Variants in TBC1D5 observed in about 807,000 individuals in gnomAD.
TBC1D5 encodes the protein TBC1 domain family, member 5.
A neutral mutation model predicts 100.3 loss-of-function variants in TBC1D5; 75 were observed. The observed-to-expected ratio is 0.75, with a 90% CI of 0.62 to 0.91. TBC1D5 has a LOEUF of 0.91. TBC1D5 is among the 40% of genes least tolerant of loss of function. The pLI is 0.00. For synonymous variants in TBC1D5, 323 were observed against 325.6 expected, an observed-to-expected ratio of 0.99 and a Z score of 0.09; for missense variants, 910 against 942.4, an observed-to-expected ratio of 0.97 and a Z score of 0.45.
chr3:17,185,286 G>T, intron 18 of TBC1D5, 78 bp from the exon 20 acceptor site: 1 of 1,238,440 alleles, frequency 8.1e-7, no homozygotes, highest in Non-Finnish European at 1.1e-6. Flanking sequence ...AAATGATCTA[G>T]ACTAGTTTAA....
At chr3:17,189,129 G>A (rs567186931) in intron 18 of TBC1D5, among the ~76,000 whole-genome samples, 1 of 152,076 alleles carries the variant, frequency 6.6e-6, no homozygotes, top group Non-Finnish European at 1.5e-5. Context: ...AACAAAATGA[G>A]AACATATGGA....
At chr3:17,632,532 C>T (rs780906689) in intron 1 of TBC1D5, among the ~76,000 whole-genome samples, 2 of 152,168 alleles carry the variant, frequency 1.3e-5, no homozygotes, top group Non-Finnish European at 2.9e-5. Flanking sequence ...AACCTAATCA[C>T]ATGCTACAGA....
intron 8 of TBC1D5, among the ~76,000 whole-genome samples, chr3:17,390,079 T>C (rs1338687715): frequency 2.0e-5 from 3 of 152,156 alleles, no homozygotes; most frequent in African/African-American, 7.2e-5. Context: ...CAAAGACCTA[T>C]ACATGATAGA....
intron 15 of TBC1D5, among the ~76,000 whole-genome samples, chr3:17,278,907 T>A (rs955971797): frequency 5.3e-5 from 8 of 152,232 alleles, no homozygotes; most frequent in African/African-American, 1.7e-4. Flanking sequence ...GAAATTATGA[T>A]TCTGTAACTT....
intron 17 of TBC1D5, among the ~76,000 whole-genome samples, chr3:17,221,430 C>A (rs1257355469): frequency 6.6e-6 from 1 of 152,110 alleles, no homozygotes; most frequent in Non-Finnish European, 1.5e-5. Flanking sequence ...TGCTATCCCT[C>A]CCCTCTCCCA....
chr3:17,408,819 T>C (rs1214977892), intron 4 of TBC1D5, among the ~76,000 whole-genome samples: 6 of 152,168 alleles, frequency 3.9e-5, no homozygotes, highest in Non-Finnish European at 7.3e-5. Flanking sequence ...TTTTCTCTTA[T>C]TGATCCTTTC....
intron 17 of TBC1D5, among the ~76,000 whole-genome samples, chr3:17,224,657 A>G (rs1001159865): frequency 6.6e-6 from 1 of 152,230 alleles, no homozygotes; most frequent in African/African-American, 2.4e-5. Context: ...GTAACAAAAT[A>G]GGGTAATGAT....
Position 17,216,051 on chromosome 3 carries a change from G to T in TBC1D5, c.1589-1681C>A, listed in dbSNP as rs115132786. Reference sequence around the variant, plus strand: ...ATAAACCAAGAATGCTAACCAGAATGTTATATTTCTTAGGAGAGAGCTATT... The same window carrying T: ...ATAAACCAAGAATGCTAACCAGAATTTTATATTTCTTAGGAGAGAGCTATT... On this transcript the variant is annotated intron_variant, in intron 17 of 21. Coordinates refer to ENST00000253692, the Ensembl canonical transcript of TBC1D5. 5.2e-3 allele frequency among the ~76,000 whole-genome samples: 796 copies of T among 152,222 alleles called. 3 individuals carry two copies. The highest frequency in any genetic ancestry group is 8.6e-3 in the Non-Finnish European group (583 of 68,000).
At chr3:17,357,093 G>C (rs2348363) in intron 13 of TBC1D5, among the ~76,000 whole-genome samples, 56,196 of 152,006 alleles carry the variant, frequency 0.37, 11,517 homozygotes, top group African/African-American at 0.54. Context: ...TATTTTGCCT[G>C]CCTTCCTGCA....
intron 1 of TBC1D5, among the ~76,000 whole-genome samples, chr3:17,674,362 G>A (rs929819363): frequency 6.6e-6 from 1 of 152,092 alleles, no homozygotes; most frequent in African/African-American, 2.4e-5. Flanking sequence ...TCACCATGAA[G>A]AAAATATGAG....
chr3:17,190,965 G>A (rs940239081), intron 18 of TBC1D5, among the ~76,000 whole-genome samples: 3 of 152,292 alleles, frequency 2.0e-5, no homozygotes, highest in Non-Finnish European at 2.9e-5. Context: ...GAAAGGCCAC[G>A]GATGTTCGGA....
chr3:17,627,655 T>C (rs1319826386), intron 1 of TBC1D5, among the ~76,000 whole-genome samples: 1 of 150,630 alleles, frequency 6.6e-6, no homozygotes, highest in Non-Finnish European at 1.5e-5. Flanking sequence ...TTTTAAATAT[T>C]CTGGGTTTTT....
intron 3 of TBC1D5, among the ~76,000 whole-genome samples, chr3:17,460,888 A>T (rs1413390739): frequency 2.0e-5 from 3 of 152,176 alleles, no homozygotes; most frequent in African/African-American, 4.8e-5. Context: ...TTGATTAAAA[A>T]AGTACTATAT....
intron 1 of TBC1D5, chr3:17,664,965 A>T (rs2067073891): frequency 6.6e-6 from 1 of 150,720 alleles, no homozygotes; most frequent in African/African-American, 2.4e-5. Context: ...ACTGAATCAA[A>T]GGTTACAGGC....
At chr3:17,425,872 T>C (rs982818968) in intron 4 of TBC1D5, among the ~76,000 whole-genome samples, 11 of 152,192 alleles carry the variant, frequency 7.2e-5, no homozygotes, top group African/African-American at 2.4e-4. Flanking sequence ...ACTTCCCATT[T>C]AGATTTTCAA....
intron 14 of TBC1D5, among the ~76,000 whole-genome samples, chr3:17,299,032 A>G (rs2082543995): frequency 6.6e-6 from 1 of 152,250 alleles, no homozygotes; most frequent in South Asian, 2.1e-4. Flanking sequence ...AAATTATGGT[A>G]AAAGATTAGC....
intron 19 of TBC1D5, 52 bp from the exon 21 acceptor site, chr3:17,167,880 C>A: frequency 7.8e-7 from 1 of 1,284,122 alleles, no homozygotes; most frequent in South Asian, 1.4e-5. Context: ...CATAACCTAC[C>A]TGCTGCCACA....
At chr3:17,530,786 C>T (rs1170378841) in intron 2 of TBC1D5, among the ~76,000 whole-genome samples, 1 of 152,190 alleles carries the variant, frequency 6.6e-6, no homozygotes, top group Non-Finnish European at 1.5e-5. Flanking sequence ...TTCAACAACC[C>T]TTCATGCTAA....
chr3:17,408,391 C>G (rs560140354), intron 4 of TBC1D5, among the ~76,000 whole-genome samples: 1 of 151,904 alleles, frequency 6.6e-6, no homozygotes, highest in Non-Finnish European at 1.5e-5. Context: ...TCACTTTAGC[C>G]TTGAACTCCT....
Sources: gnomAD v4.1 joint callset for allele counts (sites outside exome capture counted in the v4.1 genomes callset) on GRCh38, gnomAD v4.1.1 for gene constraint, MANE v1.5 for transcripts, NCBI Gene and HGNC (gene_info 2026-07-23, HGNC 2026-07-21) for gene names.